Variants in SH2D4B observed in about 807,000 individuals in gnomAD.
SH2D4B encodes SH2 domain containing 4B.
In SH2D4B, 45 loss-of-function variants were observed where a neutral mutation model predicts 61.5. The observed-to-expected ratio is 0.73, with a 90% CI of 0.58 to 0.94. The LOEUF (loss-of-function observed/expected upper bound fraction) is 0.94, where lower values mean the gene tolerates loss of function less well. Ranked by LOEUF, SH2D4B falls within the 40% of genes least tolerant of loss-of-function variation. The pLI is 0.00. For missense variants in SH2D4B, 572 were observed against 574.2 expected, an observed-to-expected ratio of 1.00 and a Z score of 0.04; for synonymous variants, 224 against 220.4, an observed-to-expected ratio of 1.02 and a Z score of -0.14.
intron 7 of SH2D4B, 26 bp from the exon 8 acceptor site, chr10:80,643,967 G>A (rs781502608): frequency 6.3e-7 from 1 of 1,588,744 alleles, no homozygotes; most frequent in South Asian, 1.1e-5. Context: ...GATTATAAGT[G>A]GATTTTCCTT....
At position 80,645,719 on chromosome 10, in the gene SH2D4B, AAGTAGC is replaced by A. The variant is rs1840386872; in HGVS notation, c.*1637_*1642del. The stretch of plus-strand genomic sequence containing the variant: ...TGCTCTGGGATTGCACTTCTGAATG[AAGTAGC>A]AGCTCATAAGCTTTTGCCACAGGCT... On this transcript the variant is annotated 3_prime_UTR_variant, in exon 8 of 8. Transcript: ENST00000646907. 6.6e-6 allele frequency: 1 copy of A among 152,252 alleles called. No homozygotes were observed. The highest frequency in any genetic ancestry group is 6.5e-5 in the Admixed American group (1 of 15,282). The allele number at this position is 152,252 out of a possible 1,614,324, so 9.4% of individuals were successfully genotyped here.
chr10:80,590,234 T>C (rs1442613308), intron 4 of SH2D4B, among the ~76,000 whole-genome samples: 1 of 151,976 alleles, frequency 6.6e-6, no homozygotes, highest in Non-Finnish European at 1.5e-5. Context: ...AGCTCTTGGG[T>C]GTAGGGGCTG....
chr10:80,609,298 A>AC (rs1166221763), intron 5 of SH2D4B, 126 bp from the exon 6 acceptor site: 60 of 267,700 alleles, frequency 2.2e-4, no homozygotes, highest in Admixed American at 1.5e-3. Context: ...CCCTTCTTCC[A>AC]CCCCCCCTTC....
At chr10:80,641,755 C>T (rs1179618363) in intron 7 of SH2D4B, among the ~76,000 whole-genome samples, 2 of 152,218 alleles carry the variant, frequency 1.3e-5, no homozygotes, top group African/African-American at 4.8e-5. Flanking sequence ...AAAGGCTAGA[C>T]CAGAGATCTC....
In SH2D4B at chr10:80,634,291, T is replaced by C. The variant is rs1238551675; in HGVS notation, c.995T>C (p.Ile332Thr). 14 of 1,502,312 alleles carry C rather than the reference T, an allele frequency of 9.3e-6. No individual in the cohort carries two copies. Among genetic ancestry groups the C allele is most frequent in the Non-Finnish European group, 1.2e-5 (14 of 1,123,632 alleles). The allele number at this position is 1,502,312 out of a possible 1,614,324, so 93.1% of individuals were successfully genotyped here. ...TTTTTCTATTTTAAATCAGGAATTA[T>C]TAGCCGAGAAGATGCAGAAGCTCTC... ...KFIAPWFHGIISREDAEALLE... is the reference protein window; with the variant it reads ...KFIAPWFHGITSREDAEALLE... Residue 332 changes from isoleucine (I) to threonine (T), a missense_variant, in exon 7 of 8, where the codon ATT (isoleucine) becomes ACT (threonine). Ile to Thr is a moderately conservative substitution (Grantham distance 89). Coordinates refer to ENST00000646907, the MANE Select transcript of SH2D4B (RefSeq NM_001388272.1).
chr10:80,549,928 A>G (rs1227512662), intron 1 of SH2D4B, among the ~76,000 whole-genome samples: 1 of 152,188 alleles, frequency 6.6e-6, no homozygotes, highest in African/African-American at 2.4e-5. Flanking sequence ...CCCAGGGGTG[A>G]GGGTGGTTTC....
intron 1 of SH2D4B, among the ~76,000 whole-genome samples, chr10:80,565,689 G>T (rs1230833613): frequency 6.6e-6 from 1 of 152,126 alleles, no homozygotes; most frequent in Non-Finnish European, 1.5e-5. Context: ...TCTATCTTTT[G>T]CCTCCCCATC....
chr10:80,630,573 A>G (rs887587409), intron 6 of SH2D4B, among the ~76,000 whole-genome samples: 1 of 152,232 alleles, frequency 6.6e-6, no homozygotes, highest in African/African-American at 2.4e-5. Flanking sequence ...GTTGGGGAGA[A>G]CAGAGGATTG....
At chr10:80,541,552 C>T (rs895911648) in intron 1 of SH2D4B, among the ~76,000 whole-genome samples, 4 of 152,170 alleles carry the variant, frequency 2.6e-5, no homozygotes, top group Admixed American at 1.3e-4. Flanking sequence ...GGGCCTCCTC[C>T]GGGCCATCGT....
rs533794785 is a variant in SH2D4B at position 80,613,478 on chromosome 10, G to A, written c.988+3927G>A. ...TTGTCTGGGTGACAACCCATTGGCT[G>A]CCTTGCTGCTTGCCCATAGGGCTTG... On this transcript the variant is annotated intron_variant, in intron 6 of 7. Coordinates refer to ENST00000646907, the MANE Select transcript of SH2D4B (RefSeq NM_001388272.1). Among the ~76,000 whole-genome samples, 447 of 152,374 alleles carry A rather than the reference G, an allele frequency of 2.9e-3. 3 individuals are homozygous for A. Among genetic ancestry groups the A allele is most frequent in the African/African-American group, 0.01 (434 of 41,590 alleles).
At chr10:80,544,647 G>T (rs1564764067) in intron 1 of SH2D4B, among the ~76,000 whole-genome samples, 1 of 152,212 alleles carries the variant, frequency 6.6e-6, no homozygotes, top group African/African-American at 2.4e-5. Context: ...GCCCTGCCTG[G>T]ACCCCTGCAT....
At chr10:80,545,189 C>G (rs376609042) in intron 1 of SH2D4B, among the ~76,000 whole-genome samples, 1 of 152,190 alleles carries the variant, frequency 6.6e-6, no homozygotes, top group Admixed American at 6.5e-5. Flanking sequence ...TCACCACTGT[C>G]TAGTTCCAGA....
intron 1 of SH2D4B, among the ~76,000 whole-genome samples, chr10:80,562,399 A>G (rs148520393): frequency 2.5e-3 from 377 of 152,388 alleles, no homozygotes; most frequent in Non-Finnish European, 4.8e-3. Flanking sequence ...ATTGAATCAA[A>G]TGACATTATT....
At chr10:80,610,170 C>A (rs1181051215) in intron 6 of SH2D4B, among the ~76,000 whole-genome samples, 2 of 152,154 alleles carry the variant, frequency 1.3e-5, no homozygotes, top group Non-Finnish European at 2.9e-5. Context: ...GCATGGCTGG[C>A]ACATTCTCAT....
chr10:80,613,411 C>T (rs1300356676), intron 6 of SH2D4B, among the ~76,000 whole-genome samples: 1 of 152,252 alleles, frequency 6.6e-6, no homozygotes, highest in Non-Finnish European at 1.5e-5. Context: ...TCTTCCTGAG[C>T]TTTACTTCTA....
At chr10:80,625,498 A>G (rs1032082011) in intron 6 of SH2D4B, among the ~76,000 whole-genome samples, 2 of 151,878 alleles carry the variant, frequency 1.3e-5, no homozygotes, top group Non-Finnish European at 2.9e-5. Context: ...GTTGTAATGT[A>G]TTCTTTTTAT....
chr10:80,568,027 C>T (rs368465596), intron 1 of SH2D4B, among the ~76,000 whole-genome samples: 6 of 152,232 alleles, frequency 3.9e-5, no homozygotes, highest in African/African-American at 1.4e-4. Flanking sequence ...CTCTGTGCCT[C>T]TCTGTTTCAC....
At chr10:80,614,289 C>G (rs1190130257) in intron 6 of SH2D4B, among the ~76,000 whole-genome samples, 1 of 152,202 alleles carries the variant, frequency 6.6e-6, no homozygotes, top group Non-Finnish European at 1.5e-5. Flanking sequence ...TTACTCGTGG[C>G]AGAAGGCGAA....
At chr10:80,610,402 A>G (rs528343224) in intron 6 of SH2D4B, among the ~76,000 whole-genome samples, 73 of 152,296 alleles carry the variant, frequency 4.8e-4, no homozygotes, top group Non-Finnish European at 6.9e-4. Context: ...GTAAGTATCC[A>G]TGGGAAGAAT....
Sources: allele counts gnomAD v4.1 joint callset (sites outside exome capture counted in the v4.1 genomes callset), GRCh38; gene constraint gnomAD v4.1.1; transcripts MANE v1.5; gene names NCBI Gene and HGNC (gene_info 2026-07-23, HGNC 2026-07-21).